The following PDE11A variants were observed in gnomAD, a reference collection of about 807,000 sequenced individuals.
PDE11A encodes the protein phosphodiesterase 11A.
Under a neutral mutation model 100.5 loss-of-function variants are expected in PDE11A, and 100 were observed. That is an observed-to-expected ratio of 1.00 (90% confidence interval 0.85 to 1.18). The LOEUF is 1.18. Ranked by LOEUF, PDE11A falls within the 50% of genes most tolerant of loss-of-function variation. The pLI is 0.00. For synonymous variants in PDE11A, 381 were observed against 420.8 expected (o/e 0.91, Z 1.16); for missense variants, 1,141 against 1,152.6 (o/e 0.99, Z 0.15).
chr2:177,932,579 T>C (rs778755036), intron 2 of PDE11A, among the ~76,000 whole-genome samples: 2 of 152,132 alleles, frequency 1.3e-5, no homozygotes, highest in South Asian at 4.2e-4. Flanking sequence ...ATCATCTCAA[T>C]AGATGAGGAA....
intron 2 of PDE11A, among the ~76,000 whole-genome samples, chr2:177,984,847 A>C (rs947500209): frequency 6.6e-6 from 1 of 152,200 alleles, no homozygotes; most frequent in Non-Finnish European, 1.5e-5. Context: ...CCTTCTACCA[A>C]AGCTCCCAGC....
intron 2 of PDE11A, among the ~76,000 whole-genome samples, chr2:178,081,485 A>G (rs190746982): frequency 6.6e-6 from 1 of 152,350 alleles, no homozygotes; most frequent in East Asian, 1.9e-4. Flanking sequence ...CTCTCATCAA[A>G]TATTCTTTTG....
chr2:177,885,710 G>A (rs1468199250), intron 4 of PDE11A, among the ~76,000 whole-genome samples: 1 of 152,138 alleles, frequency 6.6e-6, no homozygotes, highest in South Asian at 2.1e-4. Context: ...ACTGAATTAC[G>A]GACTGCCCCA....
intron 2 of PDE11A, chr2:177,998,854 T>C: frequency 1.6e-6 from 1 of 608,156 alleles, no homozygotes; most frequent in Admixed American, 2.9e-5. Context: ...CCAAGCCCAC[T>C]ACCTGCACTA....
chr2:177,916,940 T>A (rs1298471269), intron 2 of PDE11A, among the ~76,000 whole-genome samples: 1 of 143,166 alleles, frequency 7.0e-6, no homozygotes, highest in African/African-American at 2.6e-5. Flanking sequence ...TTTTTTTTTT[T>A]TTTTTTTTTG....
chr2:178,107,956 G>A (rs1410875256), intron 1 of PDE11A, among the ~76,000 whole-genome samples: 1 of 151,968 alleles, frequency 6.6e-6, no homozygotes, highest in East Asian at 1.9e-4. Flanking sequence ...TCCTGACCTC[G>A]TGATCCGCCT....
chr2:177,873,301 A>G (rs891548695), intron 5 of PDE11A, among the ~76,000 whole-genome samples: 1 of 152,210 alleles, frequency 6.6e-6, no homozygotes, highest in African/African-American at 2.4e-5. Context: ...TGAGGTCATG[A>G]ATAGCTAAAG....
At chr2:177,945,592 C>T (rs1477438068) in intron 2 of PDE11A, among the ~76,000 whole-genome samples, 10 of 151,468 alleles carry the variant, frequency 6.6e-5, no homozygotes, top group East Asian at 3.9e-4. Context: ...GCAACCACCC[C>T]GTCTGAAAAG....
At chr2:178,088,746 T>C (rs1017983227) in intron 2 of PDE11A, among the ~76,000 whole-genome samples, 5 of 152,218 alleles carry the variant, frequency 3.3e-5, no homozygotes, top group African/African-American at 7.2e-5. Flanking sequence ...TAACATTTCC[T>C]GGTCACTAAA....
At chr2:177,638,193 G>A (rs972776987) in intron 19 of PDE11A, among the ~76,000 whole-genome samples, 1 of 151,564 alleles carries the variant, frequency 6.6e-6, no homozygotes, top group Admixed American at 6.6e-5. Flanking sequence ...TAGAGACAGG[G>A]TTTCACCGTG....
At chr2:177,630,909 A>G (rs1481943084) in intron 19 of PDE11A, among the ~76,000 whole-genome samples, 1 of 152,180 alleles carries the variant, frequency 6.6e-6, no homozygotes, top group Non-Finnish European at 1.5e-5. Flanking sequence ...ACTTTTAGAA[A>G]CATGGTCTTT....
intron 18 of PDE11A, among the ~76,000 whole-genome samples, chr2:177,667,616 CCACACAGTCCTGTGCTTCACAG>C (rs964296403): frequency 6.6e-6 from 1 of 152,130 alleles, no homozygotes; most frequent in Non-Finnish European, 1.5e-5. Flanking sequence ...GTGTGAGGCC[CCACACAGTCCTGTGCTTCACAG>C]CATTTTGCAT....
chr2:178,074,770 C>T (rs2087186278), upstream of PDE11A, among the ~76,000 whole-genome samples: 1 of 152,132 alleles, frequency 6.6e-6, no homozygotes, highest in South Asian at 2.1e-4. Context: ...GAAGAGAAAT[C>T]CGAAAAACTG....
chr2:177,824,707 A>G (rs1175403517), intron 6 of PDE11A, among the ~76,000 whole-genome samples: 1 of 152,220 alleles, frequency 6.6e-6, no homozygotes, highest in East Asian at 1.9e-4. Flanking sequence ...TTAGAATAAC[A>G]TGAATATTCA....
At chr2:177,757,298 G>A (rs182305465) in intron 10 of PDE11A, among the ~76,000 whole-genome samples, 91 of 152,304 alleles carry the variant, frequency 6.0e-4, no homozygotes, top group Non-Finnish European at 1.1e-3. Context: ...AAGGGCCTCA[G>A]CAGCATGAAC....
chr2:177,635,528 T>C (rs1477778790), intron 19 of PDE11A, among the ~76,000 whole-genome samples: 1 of 152,218 alleles, frequency 6.6e-6, no homozygotes, highest in Non-Finnish European at 1.5e-5. Context: ...TTGAGTTCTC[T>C]TGTGACCAGC....
chr2:177,778,110 G>A (rs1367065289), intron 9 of PDE11A, among the ~76,000 whole-genome samples: 1 of 152,206 alleles, frequency 6.6e-6, no homozygotes, highest in Admixed American at 6.5e-5. Flanking sequence ...AAGAAGTCAC[G>A]TTTTTGTGTT....
chr2:177,980,945 G>A (rs117179788), intron 2 of PDE11A, among the ~76,000 whole-genome samples: 1 of 146,208 alleles, frequency 6.8e-6, no homozygotes, highest in East Asian at 2.0e-4. Flanking sequence ...GTGTGAAAGT[G>A]GCTACGACCT....
At position 177,931,530 on chromosome 2, in the gene PDE11A, C is replaced by T. The variant is rs375901663; in HGVS notation, c.1072-26343G>A. Among the ~76,000 whole-genome samples the T allele has an allele frequency of 3.9e-4, 59 of 152,230 alleles. 2 individuals are homozygous for T. In the South Asian group the frequency reaches 0.011, roughly 28 times the overall value. On this transcript the variant is annotated intron_variant, in intron 2 of 19. Transcript: ENST00000286063. ...ACCACACACTTACATGGAAATTAAA[C>T]AACTTGCTCTTGAATGACTTTTGGA...
Sources: gnomAD v4.1 joint callset for allele counts (sites outside exome capture counted in the v4.1 genomes callset) on GRCh38, gnomAD v4.1.1 for gene constraint, MANE v1.5 for transcripts, NCBI Gene and HGNC (gene_info 2026-07-23, HGNC 2026-07-21) for gene names.